The following SPEF2 variants were observed in gnomAD, a reference collection of about 807,000 sequenced individuals.
SPEF2 encodes the protein sperm flagellar and cilia associated 2.
In SPEF2, 187 loss-of-function variants were observed where a neutral mutation model predicts 224.6. That is an observed-to-expected ratio of 0.83 (90% CI 0.74 to 0.94). The LOEUF is 0.94. Ranked by LOEUF, SPEF2 falls within the 40% of genes least tolerant of loss-of-function variation. The pLI is 0.00. For missense variants in SPEF2, 2,170 were observed against 2,135.6 expected, an observed-to-expected ratio of 1.02 and a Z score of -0.32; for synonymous variants, 715 against 707.3, an observed-to-expected ratio of 1.01 and a Z score of -0.17.
Position 35,676,437 on chromosome 5 carries a change from T to A in SPEF2, c.1524+6210T>A, listed in dbSNP as rs182782371. Among the ~76,000 whole-genome samples the A allele has an allele frequency of 1.2e-3, 180 of 152,294 alleles. 1 individual carries two copies. The highest frequency in any genetic ancestry group is 4.1e-3 in the African/African-American group (170 of 41,562). ...GAGTTGGCTATAAAGTTTTAAATTT[T>A]AAAACTATAGGCTGTTTGCGGGGGC... On this transcript the variant is annotated intron_variant, in intron 10 of 36. Transcript: ENST00000356031.
At chr5:35,673,088 A>G (rs1202480054) in intron 10 of SPEF2, among the ~76,000 whole-genome samples, 1 of 152,196 alleles carries the variant, frequency 6.6e-6, no homozygotes, top group East Asian at 1.9e-4. Flanking sequence ...GAAAGAGGCA[A>G]GAACAGCATC....
rs557847593 is a variant in SPEF2, at chr5:35,652,145, C to T, written c.792-2395C>T. Among the ~76,000 whole-genome samples, 160 of 152,254 alleles carry T rather than the reference C, an allele frequency of 1.1e-3. 1 individual carries two copies. Among genetic ancestry groups the T allele is most frequent in the Non-Finnish European group, 2.1e-3 (144 of 68,024 alleles). ...AACAGATAAAAAGAAAATATAATCACTGCCCTCAAGAAACCTACATCTAGT... is the reference window on the plus strand; with the variant it reads ...AACAGATAAAAAGAAAATATAATCATTGCCCTCAAGAAACCTACATCTAGT... On this transcript the variant is annotated intron_variant, in intron 6 of 36. Transcript: ENST00000356031.
chr5:35,738,529 CAA>C (rs565475251), intron 21 of SPEF2, among the ~76,000 whole-genome samples: 97 of 149,280 alleles, frequency 6.5e-4, no homozygotes, highest in African/African-American at 2.2e-3. Context: ...TAGTAGCAGA[CAA>C]GAGCAAAGCT....
At chr5:35,664,736 GA>G (rs1295896881) in intron 8 of SPEF2, among the ~76,000 whole-genome samples, 4 of 149,706 alleles carry the variant, frequency 2.7e-5, no homozygotes, top group African/African-American at 9.9e-5. Flanking sequence ...GAGAGAGGGA[GA>G]GGGAGAGAGA....
At chr5:35,786,425 C>T (rs895922660) in intron 30 of SPEF2, among the ~76,000 whole-genome samples, 3 of 151,930 alleles carry the variant, frequency 2.0e-5, no homozygotes, top group South Asian at 2.1e-4. Flanking sequence ...TTTGGGAAGC[C>T]GAGGTGGGTG....
At chr5:35,667,311 G>T (rs1328604599) in intron 9 of SPEF2, 52 bp downstream of exon 9, 2 of 1,429,390 alleles carry the variant, frequency 1.4e-6, no homozygotes. Context: ...AATGAGGAAG[G>T]ATAAGATTGT....
At chr5:35,622,594 G>T (rs1015387139) in intron 1 of SPEF2, among the ~76,000 whole-genome samples, 1 of 152,162 alleles carries the variant, frequency 6.6e-6, no homozygotes, top group Non-Finnish European at 1.5e-5. Flanking sequence ...CTGCCTTTTA[G>T]TTCTAGTCTT....
intron 23 of SPEF2, among the ~76,000 whole-genome samples, chr5:35,750,916 TCA>T (rs1403990304): frequency 6.8e-6 from 1 of 147,224 alleles, no homozygotes; most frequent in Non-Finnish European, 1.5e-5. Context: ...GCAGCACAAT[TCA>T]CAGTTGCAAA....
rs556202198 is a variant in SPEF2 at position 35,809,168 on chromosome 5, T to C, written c.5379+1915T>C. On this transcript the variant is annotated intron_variant, in intron 36 of 36. Transcript: ENST00000356031. ...ATGGTATCTGACACAGGGGAAGTGC[T>C]ACAGAAATGATGGCTGTTAGGGGTA... 1.3e-4 allele frequency among the ~76,000 whole-genome samples: 20 copies of C among 152,200 alleles called. 1 individual carries two copies. Among genetic ancestry groups the C allele is most frequent in the African/African-American group, 4.3e-4 (18 of 41,518 alleles).
chr5:35,641,092 C>A lies in SPEF2; in HGVS notation c.162-339C>A, dbSNP rs748974606. Among the ~76,000 whole-genome samples, 3 of 152,098 alleles carry A rather than the reference C, an allele frequency of 2.0e-5. No individual in the cohort carries two copies. In the East Asian group the frequency reaches 5.8e-4, roughly 29 times the overall value. ...AAAAACAAAAGATTTAGAGCCACTA[C>A]CTGAATGCAATCTCTTGAGAAATAG... is the stretch of plus-strand genomic sequence containing the variant. On this transcript the variant is annotated intron_variant, in intron 2 of 36. Coordinates refer to ENST00000356031, the MANE Select transcript of SPEF2 (RefSeq NM_024867.4).
chr5:35,731,878 G>T (rs1403649962), intron 21 of SPEF2, among the ~76,000 whole-genome samples: 3 of 152,148 alleles, frequency 2.0e-5, no homozygotes, highest in Non-Finnish European at 4.4e-5. Flanking sequence ...GGGGCTGGAA[G>T]AACCTACAGA....
intron 21 of SPEF2, among the ~76,000 whole-genome samples, chr5:35,731,619 AC>A (rs1745657937): frequency 6.6e-6 from 1 of 152,184 alleles, no homozygotes; most frequent in Non-Finnish European, 1.5e-5. Flanking sequence ...AGAAGACCTG[AC>A]CAGTGGTACT....
chr5:35,692,856 C>T (rs1754731246), intron 12 of SPEF2, 132 bp downstream of exon 12: 2 of 722,478 alleles, frequency 2.8e-6, no homozygotes, highest in South Asian at 4.5e-5. Context: ...TTAGGTTCTG[C>T]AAAAGTCTAG....
chr5:35,715,222 T>A (rs1290997608), intron 20 of SPEF2, among the ~76,000 whole-genome samples: 1 of 152,006 alleles, frequency 6.6e-6, no homozygotes, highest in East Asian at 1.9e-4. Flanking sequence ...TGGCCAATTT[T>A]AAGTTTTTTA....
chr5:35,618,056 G>C lies in SPEF2; in HGVS notation c.58+1G>C. 6.3e-7 allele frequency: 1 copy of C among 1,582,614 alleles called. No individual in the cohort carries two copies. ...GAGTTGAAGGTGTCCCGGACCGTGAGTGAGTGACCACGGCCAGGGGCGAGC... is the reference window on the plus strand; with the variant it reads ...GAGTTGAAGGTGTCCCGGACCGTGACTGAGTGACCACGGCCAGGGGCGAGC... On this transcript the variant is annotated splice_donor_variant, in intron 1 of 36. Coordinates refer to ENST00000356031, the MANE Select transcript of SPEF2 (RefSeq NM_024867.4). LOFTEE classifies it high-confidence loss of function.
chr5:35,774,247 T>C (rs1207174087), intron 28 of SPEF2, among the ~76,000 whole-genome samples: 1 of 152,180 alleles, frequency 6.6e-6, no homozygotes, highest in Non-Finnish European at 1.5e-5. Flanking sequence ...CAGTCTTAAC[T>C]GATGACACGA....
intron 2 of SPEF2, among the ~76,000 whole-genome samples, chr5:35,634,092 T>C (rs1745504391): frequency 6.6e-6 from 1 of 152,168 alleles, no homozygotes. Context: ...TGTTACTCTA[T>C]GTAGTTACTT....
intron 23 of SPEF2, among the ~76,000 whole-genome samples, chr5:35,740,587 A>C (rs1223748256): frequency 1.3e-5 from 2 of 152,164 alleles, no homozygotes; most frequent in African/African-American, 4.8e-5. Flanking sequence ...TGTTAATCAC[A>C]TTCCTTTCTT....
intron 10 of SPEF2, among the ~76,000 whole-genome samples, chr5:35,683,475 A>G (rs1753121503): frequency 6.6e-6 from 1 of 152,158 alleles, no homozygotes; most frequent in Admixed American, 6.5e-5. Flanking sequence ...AAATCCAAAA[A>G]TTAGCTAGGC....
Sources: gnomAD v4.1 joint callset for allele counts (sites outside exome capture counted in the v4.1 genomes callset) on GRCh38, gnomAD v4.1.1 for gene constraint, MANE v1.5 for transcripts, NCBI Gene and HGNC (gene_info 2026-07-23, HGNC 2026-07-21) for gene names.